Variants in ADGRB1 observed in about 807,000 individuals in gnomAD.
The protein encoded by ADGRB1 is adhesion G protein-coupled receptor B1, also known as brain-specific angiogenesis inhibitor 1.
In ADGRB1, 36 loss-of-function variants were observed where a neutral mutation model predicts 175.7. The observed-to-expected ratio is 0.20, with a 90% CI of 0.16 to 0.27. The LOEUF is 0.27. Ranked by LOEUF, ADGRB1 falls within the 10% of genes least tolerant of loss-of-function variation. ADGRB1 has a pLI of 1.00. For missense variants in ADGRB1, 1,731 were observed against 2,255.3 expected (o/e 0.77, Z 4.71); for synonymous variants, 1,054 against 979.4 (o/e 1.08, Z -1.42).
rs1426899693 is a variant in ADGRB1 at position 142,510,170 on chromosome 8, C to G, written c.2676-762C>G. ...GGAGGGGTTTGCAGAGCAGGTCAGT[C>G]CCTGGTGCACCAAGTAACAAGTCCT... On this transcript the variant is annotated intron_variant, in intron 17 of 30. Coordinates refer to ENST00000517894, the MANE Select transcript of ADGRB1 (RefSeq NM_001702.3). The surrounding 1 kb of genome is among the most constrained non-coding windows in gnomAD (Gnocchi z 6.3). 6.6e-6 allele frequency among the ~76,000 whole-genome samples: 1 copy of G among 152,078 alleles called. No individual in the cohort carries two copies. Among genetic ancestry groups the G allele is most frequent in the African/African-American group, 2.4e-5 (1 of 41,406 alleles).
Position 142,493,993 on chromosome 8 carries a change from C to G in ADGRB1, c.2675+3178C>G, listed in dbSNP as rs1842101681. On this transcript the variant is annotated intron_variant, in intron 17 of 30. Coordinates refer to ENST00000517894, the MANE Select transcript of ADGRB1 (RefSeq NM_001702.3). This position sits in a 1 kb window ranked among gnomAD's most constrained non-coding sequence, Gnocchi z 5.0. The stretch of plus-strand genomic sequence containing the variant: ...CCACCAGGGCACCAAGGGACCGGGT[C>G]CAAGCTGGTGTGGGCCTGTGTCGGT... 6.6e-6 allele frequency among the ~76,000 whole-genome samples: 1 copy of G among 152,162 alleles called. No individual in the cohort carries two copies.
Position 142,542,315 on chromosome 8 carries a change from G to A in ADGRB1, c.4081G>A (p.Glu1361Lys). 1 of 1,612,924 alleles carries A rather than the reference G, an allele frequency of 6.2e-7. No individual in the cohort carries two copies. Among genetic ancestry groups the A allele is most frequent in the Non-Finnish European group, 8.5e-7 (1 of 1,179,734 alleles). The change falls in exon 28 of 31, where the codon GAG (glutamate) becomes AAG (lysine). Residue 1361 changes from glutamate to lysine, a missense_variant. Coordinates refer to ENST00000517894, the MANE Select transcript of ADGRB1 (RefSeq NM_001702.3). The surrounding 1 kb of genome is among the most constrained non-coding windows in gnomAD (Gnocchi z 6.3). Reference sequence around the variant, plus strand: ...GGCCACGCTGCGGCCCAAGCCCAAGGAGGAGCCCAAGTACAGCATCCACAT... The same window carrying A: ...GGCCACGCTGCGGCCCAAGCCCAAGAAGGAGCCCAAGTACAGCATCCACAT... The part of the protein sequence containing the change: ...ATATLRPKPK[E>K]EPKYSIHIDQ...
At chr8:142,497,171 A>C (rs1343260072) in intron 17 of ADGRB1, among the ~76,000 whole-genome samples, 1 of 152,178 alleles carries the variant, frequency 6.6e-6, no homozygotes, top group African/African-American at 2.4e-5. Flanking sequence ...ATCCAGGGCC[A>C]CCTCATGGTT....
chr8:142,482,949 CT>C (rs1234651084), intron 11 of ADGRB1, among the ~76,000 whole-genome samples: 6 of 150,672 alleles, frequency 4.0e-5, no homozygotes, highest in African/African-American at 1.5e-4. Context: ...TGATCATACA[CT>C]GAGCCCTGAC....
chr8:142,450,301 C>T (rs1463871942), intron 1 of ADGRB1, among the ~76,000 whole-genome samples, 197 bp downstream of exon 1: 1 of 151,680 alleles, frequency 6.6e-6, no homozygotes, highest in East Asian at 2.0e-4. Flanking sequence ...CCTTCTCCAG[C>T]GGTGGCGATG....
Position 142,516,784 on chromosome 8 carries a change from C to T in ADGRB1, c.2818-1354C>T, listed in dbSNP as rs118100548. 5.4e-3 allele frequency among the ~76,000 whole-genome samples: 829 copies of T among 152,186 alleles called. 5 individuals are homozygous for T. The highest frequency in any genetic ancestry group is 9.2e-3 in the Non-Finnish European group (627 of 67,976). On this transcript the variant is annotated intron_variant, in intron 18 of 30. Transcript: ENST00000517894. ...GTGCATGTCAGGCGTGTGGCCTGCA[C>T]CACCCCGAGGACAAGTCAGGCATGG... is the stretch of plus-strand genomic sequence containing the variant.
chr8:142,468,996 A>T (rs775037873), intron 2 of ADGRB1, among the ~76,000 whole-genome samples: 15 of 152,216 alleles, frequency 9.9e-5, no homozygotes, highest in South Asian at 6.2e-4. Flanking sequence ...GTTGGAGAAA[A>T]CCAGGCACAG....
chr8:142,507,374 G>A (rs898117762), intron 17 of ADGRB1, among the ~76,000 whole-genome samples: 1 of 152,194 alleles, frequency 6.6e-6, no homozygotes, highest in Non-Finnish European at 1.5e-5. Flanking sequence ...CCCCACCCCA[G>A]GATCCAGGCC....
At chr8:142,500,708 G>A (rs1388053281) in intron 17 of ADGRB1, among the ~76,000 whole-genome samples, 1 of 152,132 alleles carries the variant, frequency 6.6e-6, no homozygotes, top group African/African-American at 2.4e-5. Context: ...GATGTGGGAA[G>A]GCAGGATATG....
At chr8:142,452,273 G>C (rs900672139) in intron 1 of ADGRB1, among the ~76,000 whole-genome samples, 1 of 152,226 alleles carries the variant, frequency 6.6e-6, no homozygotes, top group South Asian at 2.1e-4. Context: ...ATGCGCCAGA[G>C]AGGCGCGCGG....
chr8:142,475,902 T>C (rs1288857792), intron 3 of ADGRB1, among the ~76,000 whole-genome samples: 2 of 147,904 alleles, frequency 1.4e-5, no homozygotes, highest in Non-Finnish European at 3.0e-5. Flanking sequence ...AACTCGGGGC[T>C]GGCCCGTGGG....
Position 142,464,828 on chromosome 8 carries a change from G to C in ADGRB1, c.630G>C (p.Gln210His), listed in dbSNP as rs1295977007. 1 of 1,531,838 alleles carries C rather than the reference G, an allele frequency of 6.5e-7. No homozygotes were observed. Among genetic ancestry groups the C allele is most frequent in the African/African-American group, 1.4e-5 (1 of 72,380 alleles). The allele number at this position is 1,531,838 out of a possible 1,614,324, so 94.9% of individuals were successfully genotyped here. A position where few individuals can be genotyped will look rare whatever the true frequency, so the allele number is the denominator to read the frequency against. Residue 210 changes from glutamine to histidine, a missense_variant, in exon 2 of 31, where the codon CAG becomes CAC. Gln to His is a conservative substitution (Grantham distance 24). Transcript: ENST00000517894. The part of the protein sequence containing the change: ...SRSSHPCGIM[Q>H]TPCACLGGEA... Reference sequence around the variant, plus strand: ...GCTCGCACCCCTGCGGGATCATGCAGACCCCCTGCGCCTGCCTGGGCGGCG... The same window carrying C: ...GCTCGCACCCCTGCGGGATCATGCACACCCCCTGCGCCTGCCTGGGCGGCG...
chr8:142,521,003 C>G (rs188703348), intron 20 of ADGRB1, 78 bp downstream of exon 20: 6 of 1,397,850 alleles, frequency 4.3e-6, no homozygotes, highest in Non-Finnish European at 5.9e-6. Context: ...GGGCCTGGAC[C>G]GTGGGATCCC....
intron 2 of ADGRB1, among the ~76,000 whole-genome samples, chr8:142,469,987 G>A (rs1370479425): frequency 6.6e-6 from 1 of 152,216 alleles, no homozygotes; most frequent in African/African-American, 2.4e-5. Context: ...GTCCCTAGCA[G>A]GCAACACACA....
intron 18 of ADGRB1, among the ~76,000 whole-genome samples, chr8:142,512,878 G>T (rs1843178768): frequency 6.6e-6 from 1 of 152,164 alleles, no homozygotes; most frequent in Non-Finnish European, 1.5e-5. Flanking sequence ...AGCAGCAGGG[G>T]CCTTGATGCT....
At chr8:142,484,102 T>C in intron 12 of ADGRB1, 57 bp downstream of exon 12, 1 of 1,512,894 alleles carries the variant, frequency 6.6e-7, no homozygotes, top group Non-Finnish European at 9.0e-7. Flanking sequence ...GCACAGCTGG[T>C]GCCTCCCTGG....
intron 24 of ADGRB1, among the ~76,000 whole-genome samples, chr8:142,529,413 G>A (rs563464396): frequency 1.1e-4 from 17 of 152,070 alleles, no homozygotes; most frequent in African/African-American, 3.1e-4. Context: ...GTAGCCAACC[G>A]CCCCCATACC....
chr8:142,477,326 G>GGCCGAGACAGCGGACT (rs71313224), intron 5 of ADGRB1, 48 bp downstream of exon 5: 178 of 1,586,566 alleles, frequency 1.1e-4, no homozygotes, highest in Non-Finnish European at 1.4e-4. Context: ...GGCAGCGGGG[G>GGCCGAGACAGCGGACT]GCCAGGGCAG....
rs1259953595 is a variant in ADGRB1, at chr8:142,464,422, C to T, written c.224C>T (p.Pro75Leu). The T allele has an allele frequency of 6.4e-7, 1 of 1,553,914 alleles. No individual in the cohort carries two copies. The highest frequency in any genetic ancestry group is 8.7e-7 in the Non-Finnish European group (1 of 1,153,972). ...CGCTGCTCCTGGACGCTACGCAACC[C>T]GGACCCGCGGCGCTACACTCTCTAC... ...ASRCSWTLRN[P>L]DPRRYTLYMK... Residue 75 changes from proline (P) to leucine (L), a missense_variant, in exon 2 of 31, where the codon CCG becomes CTG. Pro to Leu is a moderately conservative substitution (Grantham distance 98). Coordinates refer to ENST00000517894, the MANE Select transcript of ADGRB1 (RefSeq NM_001702.3).
Sources: gnomAD v4.1 joint callset for allele counts (sites outside exome capture counted in the v4.1 genomes callset) on GRCh38, gnomAD v4.1.1 for gene constraint, Gnocchi (gnomAD v3.1) non-coding constraint, MANE v1.5 for transcripts, NCBI Gene and HGNC (gene_info 2026-07-23, HGNC 2026-07-21) for gene names.